Variants in ST7 observed in about 807,000 individuals in gnomAD.
ST7 encodes suppressor of tumorigenicity 7 protein.
In ST7, 28 loss-of-function variants were observed where a neutral mutation model predicts 78.7. That is an observed-to-expected ratio of 0.36 (90% CI 0.26 to 0.49). The LOEUF (loss-of-function observed/expected upper bound fraction) is 0.49. ST7 is among the 20% of genes least tolerant of loss of function. The pLI is 0.99. For synonymous variants in ST7, 247 were observed against 249.6 expected, an observed-to-expected ratio of 0.99 and a Z score of 0.10; for missense variants, 418 against 696.0, an observed-to-expected ratio of 0.60 and a Z score of 4.49.
intron 1 of ST7, among the ~76,000 whole-genome samples, chr7:117,017,575 A>T (rs2115985453): frequency 6.6e-6 from 1 of 152,320 alleles, no homozygotes; most frequent in African/African-American, 2.4e-5. Flanking sequence ...GGGTATTCAG[A>T]CAGAGTGGTT....
At chr7:116,975,008 C>T (rs1447874658) in intron 1 of ST7, among the ~76,000 whole-genome samples, 3 of 152,036 alleles carry the variant, frequency 2.0e-5, no homozygotes, top group African/African-American at 7.2e-5. Context: ...GTATTTTTTT[C>T]ATATTTTAGT....
chr7:117,051,821 G>C (rs1157804365), intron 1 of ST7, among the ~76,000 whole-genome samples: 1 of 152,126 alleles, frequency 6.6e-6, no homozygotes, highest in African/African-American at 2.4e-5. Context: ...TGATTCCCAA[G>C]TTCCTAACTT....
intron 7 of ST7, among the ~76,000 whole-genome samples, 186 bp from the exon 8 acceptor site, chr7:117,135,895 A>G (rs1804750742): frequency 6.6e-6 from 1 of 152,114 alleles, no homozygotes; most frequent in Admixed American, 6.6e-5. Context: ...CCTACCTCTC[A>G]AGCTAAAATA....
intron 1 of ST7, chr7:116,954,909 G>T: frequency 3.5e-6 from 1 of 285,160 alleles, no homozygotes; most frequent in Non-Finnish European, 7.0e-6. Context: ...GTACCTTTCA[G>T]ATACTAACTT....
In ST7 at chr7:116,981,588, A is replaced by G. The variant is rs79297164; in HGVS notation, c.151+27897A>G. ...CTGTGAGGATTCTCTATTATATTCT[A>G]TTCTCTTTTGTAGATAACAAGCATT... On this transcript the variant is annotated intron_variant, in intron 1 of 15. Transcript: ENST00000323984. Among the ~76,000 whole-genome samples, 7 of 152,282 alleles carry G rather than the reference A, an allele frequency of 4.6e-5. No homozygotes were observed. In the East Asian group the frequency reaches 9.6e-4, roughly 21 times the overall value.
Position 117,170,167 on chromosome 7 carries a change from C to T in ST7, c.964-695C>T, listed in dbSNP as rs143371045. Among the ~76,000 whole-genome samples, 618 of 152,204 alleles carry T rather than the reference C, an allele frequency of 4.1e-3. 5 individuals carry two copies. Among genetic ancestry groups the T allele is most frequent in the African/African-American group, 0.014 (594 of 41,524 alleles). The stretch of plus-strand genomic sequence containing the variant: ...TACCGGTGACCTAACTGGTAAAGCC[C>T]GTGAGATATTTTTCAGCCTTTACCT... On this transcript the variant is annotated intron_variant, in intron 9 of 15. Transcript: ENST00000323984.
At chr7:117,000,617 T>G (rs1563003535) in intron 1 of ST7, among the ~76,000 whole-genome samples, 1 of 152,226 alleles carries the variant, frequency 6.6e-6, no homozygotes, top group Non-Finnish European at 1.5e-5. Context: ...CTGTAGTCTA[T>G]CAAAGTAATT....
intron 1 of ST7, chr7:116,956,450 G>A (rs1239389787): frequency 1.7e-5 from 8 of 470,892 alleles, no homozygotes; most frequent in African/African-American, 8.0e-5. Flanking sequence ...TTCCTGTGAT[G>A]AAGGCAAGTG....
chr7:117,034,593 T>C (rs1012643907), intron 1 of ST7, among the ~76,000 whole-genome samples: 6 of 152,244 alleles, frequency 3.9e-5, no homozygotes, highest in African/African-American at 1.4e-4. Context: ...AATGGTATCA[T>C]ATTTTAACTT....
chr7:117,217,320 G>T (rs771608547), intron 13 of ST7, among the ~76,000 whole-genome samples: 1 of 150,872 alleles, frequency 6.6e-6, no homozygotes, highest in African/African-American at 2.4e-5. Context: ...AACTTCCCAC[G>T]TAGGTTTTTC....
chr7:117,001,929 T>C (rs937469748), intron 1 of ST7, among the ~76,000 whole-genome samples: 4 of 152,160 alleles, frequency 2.6e-5, no homozygotes, highest in Admixed American at 2.0e-4. Flanking sequence ...TACTTTCTTT[T>C]TAAAATGTTT....
intron 10 of ST7, among the ~76,000 whole-genome samples, chr7:117,180,998 C>A (rs1808714664): frequency 6.6e-6 from 1 of 152,062 alleles, no homozygotes; most frequent in South Asian, 2.1e-4. Flanking sequence ...TATGAAACCA[C>A]AAATGGAATT....
chr7:117,063,658 G>T (rs1184224383), intron 1 of ST7, among the ~76,000 whole-genome samples: 1 of 152,140 alleles, frequency 6.6e-6, no homozygotes, highest in Non-Finnish European at 1.5e-5. Context: ...GAAGTGAGCC[G>T]AGATTGTACC....
intron 1 of ST7, among the ~76,000 whole-genome samples, chr7:117,030,561 A>T (rs1796423066): frequency 6.6e-6 from 1 of 152,246 alleles, no homozygotes; most frequent in African/African-American, 2.4e-5. Context: ...GAAGACATAC[A>T]TGCAGCCAAC....
At chr7:117,046,164 T>G (rs1016851452) in intron 1 of ST7, among the ~76,000 whole-genome samples, 5 of 150,984 alleles carry the variant, frequency 3.3e-5, no homozygotes, top group South Asian at 2.1e-4. Flanking sequence ...GTTGGTGGTG[T>G]TTTTTTTTGA....
At chr7:117,160,058 G>A (rs1381494515) in intron 9 of ST7, among the ~76,000 whole-genome samples, 1 of 151,230 alleles carries the variant, frequency 6.6e-6, no homozygotes, top group Non-Finnish European at 1.5e-5. Context: ...AAAATTAGCC[G>A]GGTGTGTGGC....
intron 1 of ST7, among the ~76,000 whole-genome samples, chr7:116,999,902 C>T (rs771038627): frequency 6.8e-6 from 1 of 147,998 alleles, no homozygotes. Flanking sequence ...GCTTCATCTC[C>T]TGGGTTCACG....
At chr7:117,220,200 A>T (rs1280426423) in intron 14 of ST7, among the ~76,000 whole-genome samples, 2 of 152,202 alleles carry the variant, frequency 1.3e-5, no homozygotes, top group Non-Finnish European at 2.9e-5. Context: ...GCATGGTGGG[A>T]TCTGGGTGCA....
intron 1 of ST7, among the ~76,000 whole-genome samples, chr7:116,965,062 G>A (rs544262574): frequency 3.3e-4 from 50 of 152,244 alleles, no homozygotes; most frequent in African/African-American, 1.1e-3. Flanking sequence ...ATGGACGGCC[G>A]GGCGCGGTGG....
Sources: allele counts gnomAD v4.1 joint callset (sites outside exome capture counted in the v4.1 genomes callset), GRCh38; gene constraint gnomAD v4.1.1; transcripts MANE v1.5; gene names NCBI Gene and HGNC (gene_info 2026-07-23, HGNC 2026-07-21).